ZCCHC14: variants seen among roughly 807,000 people sequenced by gnomAD.
ZCCHC14 encodes zinc finger CCHC domain-containing protein 14.
A neutral mutation model predicts 85.0 loss-of-function variants in ZCCHC14; 16 were observed. The ratio of observed to expected loss-of-function variants is 0.19; its 90% CI spans 0.13 to 0.29. The LOEUF (loss-of-function observed/expected upper bound fraction) is 0.29, where lower values mean the gene tolerates loss of function less well. Among genes scored for constraint, ZCCHC14 ranks in the 10% least tolerant of loss-of-function variants. ZCCHC14 has a pLI of 1.00. For synonymous variants in ZCCHC14, 775 were observed against 630.7 expected (o/e 1.23, Z -3.43); for missense variants, 1,303 against 1,443.5 (o/e 0.90, Z 1.58).
Position 87,411,598 on chromosome 16 carries a change from C to A in ZCCHC14, c.3123G>T (p.Gly1041=). The A allele has an allele frequency of 6.2e-7, 1 of 1,613,898 alleles. No individual in the cohort carries two copies. Among genetic ancestry groups the A allele is most frequent in the Non-Finnish European group, 8.5e-7 (1 of 1,180,026 alleles). ...SSNGSSHKKS[G]NLSCYNCGAT... ...CCCCGCAGTTGTAACAAGATAGGTT[C>A]CCGCTCTTTTTGTGACTGGAACCAT... The change falls in exon 12 of 13, where the codon GGG becomes GGT. Residue 1041 remains glycine, a synonymous_variant. Coordinates refer to ENST00000671377, the MANE Select transcript of ZCCHC14 (RefSeq NM_015144.3).
At position 87,454,436 on chromosome 16, in the gene ZCCHC14, G is replaced by A. The variant is rs139259404; in HGVS notation, c.694+5572C>T. Among the ~76,000 whole-genome samples, 715 of 152,320 alleles carry A rather than the reference G, an allele frequency of 4.7e-3. 8 individuals are homozygous for A. Among genetic ancestry groups the A allele is most frequent in the African/African-American group, 0.017 (703 of 41,564 alleles). ...ACGGCATACAGCGACAGAAATGCTA[G>A]AGGACTTTTCTTTAGAAAAACAAGA... On this transcript the variant is annotated intron_variant, in intron 2 of 12. Coordinates refer to ENST00000671377, the MANE Select transcript of ZCCHC14 (RefSeq NM_015144.3).
chr16:87,414,602 G>C (rs937707300), intron 9 of ZCCHC14, 61 bp from the exon 10 acceptor site: 10 of 1,549,062 alleles, frequency 6.5e-6, no homozygotes, highest in Non-Finnish European at 8.7e-6. Context: ...CCTCACATGC[G>C]GCTTCAAGAC....
intron 6 of ZCCHC14, 121 bp from the exon 7 acceptor site, chr16:87,419,022 T>A (rs1191738371): frequency 1.1e-5 from 10 of 912,990 alleles, no homozygotes; most frequent in South Asian, 1.6e-5. Flanking sequence ...AATGGTGCGA[T>A]CTCGGCTCAC....
intron 2 of ZCCHC14, among the ~76,000 whole-genome samples, chr16:87,453,905 T>C (rs1363720601): frequency 6.6e-6 from 1 of 152,132 alleles, no homozygotes; most frequent in African/African-American, 2.4e-5. Flanking sequence ...CATTCAAAGA[T>C]GTAAAAACAA....
chr16:87,408,050 A>G lies in ZCCHC14; in HGVS notation c.*2230T>C, dbSNP rs1597394259. The G allele has an allele frequency of 6.5e-6, 1 of 152,672 alleles. No homozygotes were observed. The highest frequency in any genetic ancestry group is 1.9e-4 in the East Asian group (1 of 5,194). The allele number at this position is 152,672 out of a possible 1,614,324, so 9.5% of individuals were successfully genotyped here. On this transcript the variant is annotated 3_prime_UTR_variant, in exon 13 of 13. Coordinates refer to ENST00000671377, the MANE Select transcript of ZCCHC14 (RefSeq NM_015144.3). Reference sequence around the variant, plus strand: ...CAGAGGCCTTCGCTGCTGGGAACACAGCCGTGACAGTGTCGGAACTCATCT... The same window carrying G: ...CAGAGGCCTTCGCTGCTGGGAACACGGCCGTGACAGTGTCGGAACTCATCT...
chr16:87,485,814 T>C (rs1421398795), intron 1 of ZCCHC14, among the ~76,000 whole-genome samples: 1 of 152,154 alleles, frequency 6.6e-6, no homozygotes, highest in Non-Finnish European at 1.5e-5. Flanking sequence ...TGGAAAAGCA[T>C]GTTAATTCAA....
At chr16:87,429,473 G>C (rs534568111) in intron 3 of ZCCHC14, among the ~76,000 whole-genome samples, 1 of 152,196 alleles carries the variant, frequency 6.6e-6, no homozygotes, top group African/African-American at 2.4e-5. Context: ...CACTACACCT[G>C]GCAGAACTCT....
intron 1 of ZCCHC14, among the ~76,000 whole-genome samples, chr16:87,490,526 C>T (rs1457832326): frequency 6.6e-6 from 1 of 152,234 alleles, no homozygotes; most frequent in African/African-American, 2.4e-5. Flanking sequence ...TTTGCGTTTT[C>T]AGTTCTGAAA....
rs373560461 is a variant in ZCCHC14 at position 87,417,309 on chromosome 16, G to A, written c.1383+151C>T. 193 of 1,197,078 alleles carry A rather than the reference G, an allele frequency of 1.6e-4. 1 individual carries two copies. Among genetic ancestry groups the A allele is most frequent in the Middle Eastern group, 7.9e-4 (3 of 3,818 alleles). 74.2% of individuals were successfully genotyped at this position (1,197,078 alleles called of 1,614,324 possible). Reference sequence around the variant, plus strand: ...CTGGCTGCAGCTGCAGGCGGCCTCCGCAAAGCCCACCGTCTCCCTTAAGAA... The same window carrying A: ...CTGGCTGCAGCTGCAGGCGGCCTCCACAAAGCCCACCGTCTCCCTTAAGAA... On this transcript the variant is annotated intron_variant, in intron 8 of 12. Coordinates refer to ENST00000671377, the MANE Select transcript of ZCCHC14 (RefSeq NM_015144.3).
chr16:87,457,325 T>G (rs1413873797), intron 2 of ZCCHC14, among the ~76,000 whole-genome samples: 3 of 152,264 alleles, frequency 2.0e-5, no homozygotes, highest in African/African-American at 7.2e-5. Flanking sequence ...TTTCCTCTGC[T>G]ATTTTCTTCA....
intron 1 of ZCCHC14, chr16:87,474,506 A>T (rs1911915711): frequency 6.6e-6 from 1 of 152,206 alleles, no homozygotes. Context: ...GAGACGTTGG[A>T]CCAATCCTCT....
chr16:87,461,376 G>T (rs771811377), intron 1 of ZCCHC14, among the ~76,000 whole-genome samples: 2 of 152,226 alleles, frequency 1.3e-5, no homozygotes, highest in African/African-American at 2.4e-5. Flanking sequence ...GAATAAAAAT[G>T]GCCAATGCTG....
chr16:87,491,404 A>ATGTACGGCGGG lies in ZCCHC14; in HGVS notation c.570+264_570+265insCCCGCCGTACA, dbSNP rs1912760482. ...GATGGGGGCTTGGGATGTACGGCGGAGGCTTGGGATGTACGGCGGAGGCTT... is the reference window on the plus strand; with the variant it reads ...GATGGGGGCTTGGGATGTACGGCGGATGTACGGCGGGGGCTTGGGATGTACGGCGGAGGCTT... On this transcript the variant is annotated intron_variant, in intron 1 of 12. Transcript: ENST00000671377. This position sits in a 1 kb window ranked among gnomAD's most constrained non-coding sequence, Gnocchi z 5.9. Among the ~76,000 whole-genome samples, 1 of 144,038 alleles carries ATGTACGGCGGG rather than the reference A, an allele frequency of 6.9e-6. No individual in the cohort carries two copies. The highest frequency in any genetic ancestry group is 2.9e-5 in the African/African-American group (1 of 35,046). The allele number at this position is 144,038 out of a possible 152,430, so 94.5% of individuals were successfully genotyped here. A position where few individuals can be genotyped will look rare whatever the true frequency, so the allele number is the denominator to read the frequency against.
chr16:87,445,769 C>A (rs1255219803), intron 2 of ZCCHC14, among the ~76,000 whole-genome samples: 1 of 152,190 alleles, frequency 6.6e-6, no homozygotes, highest in Non-Finnish European at 1.5e-5. Context: ...CAGCATATCA[C>A]AAACATTTTT....
chr16:87,449,914 GTGTGCC>G (rs1407617719), intron 2 of ZCCHC14, among the ~76,000 whole-genome samples: 4 of 152,198 alleles, frequency 2.6e-5, no homozygotes, highest in African/African-American at 9.6e-5. Flanking sequence ...GTGTGGTGGT[GTGTGCC>G]TGTGGTCTCA....
At position 87,419,724 on chromosome 16, in the gene ZCCHC14, C is replaced by T. The variant is rs996414236; in HGVS notation, c.1045+59G>A. The stretch of plus-strand genomic sequence containing the variant: ...GTGCTGGGATTACAAGCATGAGCCA[C>T]TGCGCCCAGCTGTTTTTTTTTTTTT... On this transcript the variant is annotated intron_variant, in intron 6 of 12. Coordinates refer to ENST00000671377, the MANE Select transcript of ZCCHC14 (RefSeq NM_015144.3). The T allele has an allele frequency of 2.7e-5, 39 of 1,426,030 alleles. No homozygotes were observed. In the African/African-American group the frequency reaches 4.4e-4, roughly 16 times the overall value. The allele number at this position is 1,426,030 out of a possible 1,614,324, so 88.3% of individuals were successfully genotyped here. A position where few individuals can be genotyped will look rare whatever the true frequency, so the allele number is the denominator to read the frequency against.
At chr16:87,461,955 A>C (rs1911280102) in intron 1 of ZCCHC14, among the ~76,000 whole-genome samples, 1 of 152,152 alleles carries the variant, frequency 6.6e-6, no homozygotes, top group Non-Finnish European at 1.5e-5. Context: ...GGGCTACATA[A>C]TTGGGAAGTT....
At position 87,491,879 on chromosome 16, in the gene ZCCHC14, C is replaced by G. The variant is rs773086696; in HGVS notation, c.360G>C (p.Gly120=). ...THIDSIIHNY[G]LQLNEGRTGD... is the part of the protein sequence containing the mutation. Reference sequence around the variant, plus strand: ...CCGTGCGGCCCTCGTTAAGCTGCAGCCCGTAGTTGTGGATGATGGAGTCGA... The same window carrying G: ...CCGTGCGGCCCTCGTTAAGCTGCAGGCCGTAGTTGTGGATGATGGAGTCGA... The change falls in exon 1 of 13, where the codon GGG becomes GGC. Residue 120 remains glycine (G), a synonymous_variant. Transcript: ENST00000671377. The surrounding 1 kb of genome is among the most constrained non-coding windows in gnomAD (Gnocchi z 5.9). 1 of 1,547,556 alleles carries G rather than the reference C, an allele frequency of 6.5e-7. No individual in the cohort carries two copies. The highest frequency in any genetic ancestry group is 8.7e-7 in the Non-Finnish European group (1 of 1,154,948).
At position 87,406,518 on chromosome 16, in the gene ZCCHC14, A is replaced by C. The variant is rs140953251; in HGVS notation, c.*3762T>G. 648 of 152,732 alleles carry C rather than the reference A, an allele frequency of 4.2e-3. 15 individuals carry two copies. The highest frequency in any genetic ancestry group is 8.1e-3 in the East Asian group (42 of 5,186). 9.5% of individuals were successfully genotyped at this position (152,732 alleles called of 1,614,324 possible). On this transcript the variant is annotated 3_prime_UTR_variant, in exon 13 of 13. Transcript: ENST00000671377. ...GGAGAATTTTCCTTCATTCCTAAAA[A>C]GAAAATATGTCCAATAGAAGCTGTG...
Sources: allele counts gnomAD v4.1 joint callset (sites outside exome capture counted in the v4.1 genomes callset), GRCh38; gene constraint gnomAD v4.1.1; non-coding constraint Gnocchi (gnomAD v3.1); transcripts MANE v1.5; gene names NCBI Gene and HGNC (gene_info 2026-07-23, HGNC 2026-07-21).